PHTF2: variants seen among roughly 807,000 people sequenced by gnomAD.
PHTF2 encodes the protein protein PHTF2.
Under a neutral mutation model 101.2 loss-of-function variants are expected in PHTF2, and 60 were observed. The observed-to-expected ratio is 0.59, with a 90% CI of 0.48 to 0.73. The LOEUF (loss-of-function observed/expected upper bound fraction) is 0.73. Ranked by LOEUF, PHTF2 falls within the 30% of genes least tolerant of loss-of-function variation. The pLI is 0.00. For missense variants in PHTF2, 747 were observed against 908.7 expected (o/e 0.82, Z 2.29); for synonymous variants, 311 against 307.3 (o/e 1.01, Z -0.13).
intron 2 of PHTF2, among the ~76,000 whole-genome samples, chr7:77,849,225 G>T (rs893669910): frequency 1.3e-5 from 2 of 152,042 alleles, no homozygotes; most frequent in African/African-American, 2.4e-5. Context: ...CTGGGTTCAA[G>T]TGATTCTCCT....
rs750156523 is a variant in PHTF2 at position 77,954,885 on chromosome 7, A to G, written c.*7A>G. On this transcript the variant is annotated 3_prime_UTR_variant, in exon 20 of 20. Transcript: ENST00000416283. ...ATGGAAGATTAAGTCATGACAATTC[A>G]AAGAAAAGAAGATGTAGCCTCTTTT... 5.4e-6 allele frequency: 8 copies of G among 1,484,906 alleles called. No homozygotes were observed. In the Admixed American group the frequency reaches 1.3e-4, roughly 24 times the overall value. 92.0% of individuals were successfully genotyped at this position (1,484,906 alleles called of 1,614,324 possible). A position where few individuals can be genotyped will look rare whatever the true frequency, so the allele number is the denominator to read the frequency against.
chr7:77,799,962 G>A (rs1237019844), intron 1 of PHTF2, among the ~76,000 whole-genome samples: 1 of 151,924 alleles, frequency 6.6e-6, no homozygotes, highest in Non-Finnish European at 1.5e-5. Context: ...TAATCTTAAG[G>A]TTTTTGGTTA....
intron 3 of PHTF2, among the ~76,000 whole-genome samples, chr7:77,890,568 A>G (rs1234521048): frequency 6.6e-6 from 1 of 151,776 alleles, no homozygotes; most frequent in Non-Finnish European, 1.5e-5. Context: ...TTATTTTACT[A>G]AAAAGTATGT....
intron 16 of PHTF2, among the ~76,000 whole-genome samples, chr7:77,948,580 A>G (rs1010044356): frequency 5.9e-5 from 9 of 152,224 alleles, no homozygotes; most frequent in Non-Finnish European, 1.0e-4. Flanking sequence ...ACTAAGTTCT[A>G]CAAATCAATA....
intron 11 of PHTF2, chr7:77,923,044 A>G (rs2150920796): frequency 9.0e-7 from 1 of 1,112,584 alleles, no homozygotes; most frequent in Non-Finnish European, 1.1e-6. Flanking sequence ...TTAAAGAAGA[A>G]CATTCTGGAG....
chr7:77,927,199 TACACACACACAC>T (rs375873189), intron 11 of PHTF2, among the ~76,000 whole-genome samples: 1 of 108,548 alleles, frequency 9.2e-6, no homozygotes, highest in Non-Finnish European at 1.8e-5. Context: ...TATATATACA[TACACACACACAC>T]ACACACACAC....
At chr7:77,942,858 A>G (rs955084538) in intron 16 of PHTF2, 72 bp downstream of exon 15, 2 of 753,224 alleles carry the variant, frequency 2.7e-6, no homozygotes, top group African/African-American at 3.6e-5. Context: ...TAAATAATCA[A>G]ATAATAATAT....
At chr7:77,801,370 G>A (rs1792538078) in intron 1 of PHTF2, among the ~76,000 whole-genome samples, 1 of 152,196 alleles carries the variant, frequency 6.6e-6, no homozygotes, top group Non-Finnish European at 1.5e-5. Context: ...TGGATCACCT[G>A]AGGTCAGGAG....
At chr7:77,888,819 A>C (rs1273083692) in intron 3 of PHTF2, among the ~76,000 whole-genome samples, 2 of 152,130 alleles carry the variant, frequency 1.3e-5, no homozygotes, top group Non-Finnish European at 2.9e-5. Flanking sequence ...AAGTCTGCCA[A>C]GTCTCTCTGA....
At chr7:77,808,172 A>G (rs985045147) in intron 1 of PHTF2, among the ~76,000 whole-genome samples, 4 of 152,142 alleles carry the variant, frequency 2.6e-5, no homozygotes, top group Non-Finnish European at 4.4e-5. Context: ...GGGGTCCCTT[A>G]AGATTCAATA....
intron 2 of PHTF2, among the ~76,000 whole-genome samples, chr7:77,846,236 G>T (rs1445191623): frequency 6.6e-6 from 1 of 152,102 alleles, no homozygotes; most frequent in East Asian, 1.9e-4. Context: ...AGTCTCAGAG[G>T]GGGTGAATCC....
intron 3 of PHTF2, among the ~76,000 whole-genome samples, chr7:77,877,060 A>G (rs1006881895): frequency 6.6e-6 from 1 of 151,120 alleles, no homozygotes; most frequent in African/African-American, 2.4e-5. Flanking sequence ...TAAATAAGAT[A>G]TATTTGAATT....
At chr7:77,892,999 A>C (rs1800568235) in intron 3 of PHTF2, among the ~76,000 whole-genome samples, 1 of 152,316 alleles carries the variant, frequency 6.6e-6, no homozygotes. Flanking sequence ...TTTTTCCCCA[A>C]ATATAACAGA....
chr7:77,818,750 A>G (rs1277864167), intron 1 of PHTF2, among the ~76,000 whole-genome samples: 1 of 152,064 alleles, frequency 6.6e-6, no homozygotes, highest in East Asian at 1.9e-4. Context: ...GTAGTTCCAT[A>G]TGTATTTTGG....
intron 1 of PHTF2, among the ~76,000 whole-genome samples, chr7:77,825,771 A>C (rs1205557816): frequency 1.3e-5 from 2 of 152,220 alleles, no homozygotes; most frequent in African/African-American, 4.8e-5. Context: ...CTTGGATATC[A>C]GAGTGAATAG....
intron 1 of PHTF2, among the ~76,000 whole-genome samples, chr7:77,814,670 C>T (rs1793714656): frequency 6.6e-6 from 1 of 152,052 alleles, no homozygotes; most frequent in Admixed American, 6.5e-5. Context: ...CGCCACCGCG[C>T]CCAGCTAATT....
At chr7:77,819,091 T>TC (rs1794073270) in intron 1 of PHTF2, among the ~76,000 whole-genome samples, 1 of 152,202 alleles carries the variant, frequency 6.6e-6, no homozygotes, top group Non-Finnish European at 1.5e-5. Flanking sequence ...TGATACTGTA[T>TC]CTTGCAATTA....
chr7:77,870,740 A>G (rs1183928733), intron 3 of PHTF2, among the ~76,000 whole-genome samples: 2 of 152,186 alleles, frequency 1.3e-5, no homozygotes, highest in East Asian at 3.9e-4. Context: ...GAACCCATAC[A>G]CATCTCCTGA....
At chr7:77,943,792 C>T (rs540158122) in intron 16 of PHTF2, among the ~76,000 whole-genome samples, 7 of 152,022 alleles carry the variant, frequency 4.6e-5, no homozygotes, top group African/African-American at 9.6e-5. Flanking sequence ...CCAAGGAGTG[C>T]GGATCACCTG....
Sources: gnomAD v4.1 joint callset for allele counts (sites outside exome capture counted in the v4.1 genomes callset) on GRCh38, gnomAD v4.1.1 for gene constraint, MANE v1.5 for transcripts, NCBI Gene and HGNC (gene_info 2026-07-23, HGNC 2026-07-21) for gene names.